SPIN1: variants seen among roughly 807,000 people sequenced by gnomAD.
SPIN1 encodes the protein spindlin 1.
A neutral mutation model predicts 26.0 loss-of-function variants in SPIN1; 3 were observed. The ratio of observed to expected loss-of-function variants is 0.12; its 90% CI spans 0.05 to 0.30. The LOEUF (loss-of-function observed/expected upper bound fraction) is 0.30. Among genes scored for constraint, SPIN1 ranks in the 10% least tolerant of loss-of-function variants. The pLI, the probability that SPIN1 is intolerant of heterozygous loss-of-function variation, is 1.00. For missense variants in SPIN1, 126 were observed against 333.4 expected, an observed-to-expected ratio of 0.38 and a Z score of 4.84; for synonymous variants, 101 against 116.5, an observed-to-expected ratio of 0.87 and a Z score of 0.86.
chr9:88,446,032 C>T (rs934887402), intron 2 of SPIN1, among the ~76,000 whole-genome samples: 1 of 151,842 alleles, frequency 6.6e-6, no homozygotes, highest in African/African-American at 2.4e-5. Context: ...CATGATGTAT[C>T]TTTCTGATTT....
At chr9:88,418,145 CCT>C (rs1341461057) in intron 1 of SPIN1, among the ~76,000 whole-genome samples, 1 of 152,138 alleles carries the variant, frequency 6.6e-6, no homozygotes, top group Non-Finnish European at 1.5e-5. Context: ...AGCTTTTAGC[CCT>C]CTCCTCTACC....
chr9:88,415,562 T>G (rs962477982), intron 1 of SPIN1: 1 of 152,016 alleles, frequency 6.6e-6, no homozygotes, highest in African/African-American at 2.4e-5. Flanking sequence ...ACTACAGGCA[T>G]GCACCACCAC....
chr9:88,395,135 A>C (rs1330216270), intron 1 of SPIN1, among the ~76,000 whole-genome samples: 1 of 151,908 alleles, frequency 6.6e-6, no homozygotes, highest in Non-Finnish European at 1.5e-5. Flanking sequence ...AACATGTAGA[A>C]CATTTATGTG....
At chr9:88,437,574 CA>C (rs1230573188) in intron 2 of SPIN1, among the ~76,000 whole-genome samples, 9 of 151,542 alleles carry the variant, frequency 5.9e-5, no homozygotes, top group Non-Finnish European at 1.2e-4. Flanking sequence ...GATTTTTGTG[CA>C]GGGATATTTT....
chr9:88,426,714 A>G, intron 2 of SPIN1, 123 bp downstream of exon 2: 1 of 739,224 alleles, frequency 1.4e-6, no homozygotes, highest in Admixed American at 2.7e-5. Flanking sequence ...CTAGTATGTT[A>G]TACACATATG....
At chr9:88,409,662 T>C (rs1228644983) in intron 1 of SPIN1, among the ~76,000 whole-genome samples, 2 of 151,592 alleles carry the variant, frequency 1.3e-5, no homozygotes, top group Admixed American at 1.3e-4. Context: ...GGTGAAACCC[T>C]GTCTCTACTA....
At chr9:88,424,217 T>TA (rs1391116711) in intron 1 of SPIN1, among the ~76,000 whole-genome samples, 3 of 152,176 alleles carry the variant, frequency 2.0e-5, no homozygotes, top group Non-Finnish European at 2.9e-5. Context: ...ACTGATCAGT[T>TA]AGTCAATTTG....
chr9:88,410,841 A>G, intron 1 of SPIN1: 1 of 917,180 alleles, frequency 1.1e-6, no homozygotes, highest in South Asian at 1.3e-5. Context: ...TCCCACTGAA[A>G]CCACCTCCAC....
chr9:88,456,264 A>G (rs572529939), intron 3 of SPIN1, among the ~76,000 whole-genome samples: 161 of 152,308 alleles, frequency 1.1e-3, no homozygotes, highest in Middle Eastern at 3.4e-3. Flanking sequence ...TGATGAAATT[A>G]TCAAAATTCT....
intron 1 of SPIN1, among the ~76,000 whole-genome samples, chr9:88,425,342 A>G (rs1274176951): frequency 6.6e-6 from 1 of 152,024 alleles, no homozygotes; most frequent in Non-Finnish European, 1.5e-5. Flanking sequence ...GAGTGGTGAA[A>G]CAGACCTGCT....
intron 5 of SPIN1, among the ~76,000 whole-genome samples, chr9:88,473,389 G>A (rs1240311777): frequency 2.8e-5 from 4 of 140,412 alleles, no homozygotes; most frequent in South Asian, 2.2e-4. Context: ...GCAAGACTCC[G>A]TCTCAAAAAG....
intron 5 of SPIN1, among the ~76,000 whole-genome samples, chr9:88,474,242 G>A (rs1402456986): frequency 6.6e-6 from 1 of 152,198 alleles, no homozygotes; most frequent in African/African-American, 2.4e-5. Context: ...AACCCATGCA[G>A]AGTTTCTTAA....
chr9:88,417,317 CT>C (rs1374429183), intron 1 of SPIN1, among the ~76,000 whole-genome samples: 1 of 152,134 alleles, frequency 6.6e-6, no homozygotes, highest in African/African-American at 2.4e-5. Context: ...TGGGTTTTCC[CT>C]ACATTATCTG....
chr9:88,430,329 A>G (rs1329141858), intron 2 of SPIN1, among the ~76,000 whole-genome samples: 1 of 152,144 alleles, frequency 6.6e-6, no homozygotes, highest in Non-Finnish European at 1.5e-5. Context: ...CTTTACATGG[A>G]GGCTTCCAGA....
At chr9:88,391,404 A>T (rs1357840416) in intron 1 of SPIN1, 1 of 172,544 alleles carries the variant, frequency 5.8e-6, no homozygotes, top group African/African-American at 2.4e-5. Flanking sequence ...CTGTTGTAGC[A>T]TTCTCAGGCT....
At chr9:88,457,367 A>G (rs1338819878) in intron 3 of SPIN1, among the ~76,000 whole-genome samples, 1 of 152,052 alleles carries the variant, frequency 6.6e-6, no homozygotes, top group Non-Finnish European at 1.5e-5. Flanking sequence ...TGTCTCTACT[A>G]AAAATGGAAA....
rs1828890638 is a variant in SPIN1 at position 88,476,446 on chromosome 9, G to A, written c.*1169G>A. 6.6e-6 allele frequency: 1 copy of A among 152,302 alleles called. No homozygotes were observed. Among genetic ancestry groups the A allele is most frequent in the Non-Finnish European group, 1.5e-5 (1 of 68,144 alleles). The allele number at this position is 152,302 out of a possible 1,614,324, so 9.4% of individuals were successfully genotyped here. On this transcript the variant is annotated 3_prime_UTR_variant, in exon 6 of 6. Coordinates refer to ENST00000375859, the MANE Select transcript of SPIN1 (RefSeq NM_006717.3). ...CCTACCCCTGGCTTTTCCTCACAAAGAATGTCTAGACAAACAGCAGCTTAG... is the reference window on the plus strand; with the variant it reads ...CCTACCCCTGGCTTTTCCTCACAAAAAATGTCTAGACAAACAGCAGCTTAG...
At chr9:88,442,386 T>C (rs1428271905) in intron 2 of SPIN1, among the ~76,000 whole-genome samples, 1 of 151,264 alleles carries the variant, frequency 6.6e-6, no homozygotes, top group East Asian at 1.9e-4. Context: ...GGTGGTTTCT[T>C]TCAAGATGTT....
At chr9:88,460,488 T>C (rs565316002) in intron 3 of SPIN1, among the ~76,000 whole-genome samples, 30 of 152,268 alleles carry the variant, frequency 2.0e-4, no homozygotes, top group African/African-American at 6.7e-4. Flanking sequence ...AGATAAAATA[T>C]GAAGGAGATT....
Sources: allele counts gnomAD v4.1 joint callset (sites outside exome capture counted in the v4.1 genomes callset), GRCh38; gene constraint gnomAD v4.1.1; transcripts MANE v1.5; gene names NCBI Gene and HGNC (gene_info 2026-07-23, HGNC 2026-07-21).